ZFHX3: variants seen among roughly 807,000 people sequenced by gnomAD.
ZFHX3 encodes the protein zinc finger homeobox 3.
ZFHX3 carries 42 observed loss-of-function variants against 279.1 expected under a neutral mutation model. The ratio of observed to expected loss-of-function variants is 0.15; its 90% CI spans 0.12 to 0.19. The LOEUF (loss-of-function observed/expected upper bound fraction) is 0.19. ZFHX3 is among the 10% of genes least tolerant of loss of function. ZFHX3 has a pLI of 1.00. For synonymous variants in ZFHX3, 2,293 were observed against 1,957.8 expected (o/e 1.17, Z -4.52); for missense variants, 4,981 against 4,754.0 (o/e 1.05, Z -1.40).
chr16:73,154,784 G>A (rs9937786), intron 5 of ZFHX3, among the ~76,000 whole-genome samples: 1 of 152,056 alleles, frequency 6.6e-6, no homozygotes, highest in South Asian at 2.1e-4. Flanking sequence ...GTGAAGAAAG[G>A]AGGAGATGTT....
At chr16:72,944,784 T>C (rs1960582403) in intron 3 of ZFHX3, among the ~76,000 whole-genome samples, 1 of 152,016 alleles carries the variant, frequency 6.6e-6, no homozygotes, top group Non-Finnish European at 1.5e-5. Context: ...TAATTAAGAA[T>C]ACAATACTAT....
chr16:73,439,650 C>T (rs1488271730), intron 3 of ZFHX3, among the ~76,000 whole-genome samples: 1 of 151,954 alleles, frequency 6.6e-6, no homozygotes, highest in Non-Finnish European at 1.5e-5. Flanking sequence ...GTCAGATTGC[C>T]TCCTGGAAAA....
At chr16:73,326,402 G>T (rs13333912) in intron 3 of ZFHX3, among the ~76,000 whole-genome samples, 99,164 of 152,018 alleles carry the variant, frequency 0.65, 32,844 homozygotes, top group Middle Eastern at 0.7. Flanking sequence ...CAATGCAGTG[G>T]GTGCTCATGA....
chr16:73,797,618 G>A (rs1026931017), intron 1 of ZFHX3, among the ~76,000 whole-genome samples: 2 of 151,850 alleles, frequency 1.3e-5, no homozygotes, highest in Non-Finnish European at 2.9e-5. Flanking sequence ...AGCCAACCAC[G>A]GTAGAGGCAG....
intron 1 of ZFHX3, among the ~76,000 whole-genome samples, chr16:73,800,637 G>C (rs146938086): frequency 6.6e-6 from 1 of 152,102 alleles, no homozygotes; most frequent in African/African-American, 2.4e-5. Flanking sequence ...TTAAAATAAT[G>C]AAACATCAGG....
intron 5 of ZFHX3, among the ~76,000 whole-genome samples, chr16:73,221,430 T>C (rs1321415526): frequency 6.6e-6 from 1 of 152,118 alleles, no homozygotes; most frequent in African/African-American, 2.4e-5. Context: ...TTTTAGTAGG[T>C]TTTGAAATAA....
chr16:73,534,943 C>A (rs1018669165), intron 2 of ZFHX3, among the ~76,000 whole-genome samples: 2 of 152,088 alleles, frequency 1.3e-5, no homozygotes, highest in African/African-American at 4.8e-5. Context: ...GCTGTTAGTG[C>A]CCTTTTCACG....
intron 1 of ZFHX3, among the ~76,000 whole-genome samples, chr16:73,789,655 G>C (rs922240991): frequency 3.9e-5 from 6 of 152,130 alleles, no homozygotes; most frequent in Non-Finnish European, 7.3e-5. Context: ...GGTGCTTTTA[G>C]ATCACAGCAG....
At chr16:72,893,682 A>C (rs529026655) in intron 3 of ZFHX3, among the ~76,000 whole-genome samples, 25 of 152,226 alleles carry the variant, frequency 1.6e-4, no homozygotes, top group Middle Eastern at 3.2e-3. Context: ...CTGGGCATGC[A>C]TTACAAATAG....
At chr16:73,476,415 A>C (rs1411432109) in intron 2 of ZFHX3, among the ~76,000 whole-genome samples, 2 of 152,262 alleles carry the variant, frequency 1.3e-5, no homozygotes, top group Middle Eastern at 3.4e-3. Flanking sequence ...AAAGGTGCAA[A>C]CTCTTGAAAA....
At chr16:73,783,125 G>T (rs1959528289) in intron 1 of ZFHX3, among the ~76,000 whole-genome samples, 1 of 152,188 alleles carries the variant, frequency 6.6e-6, no homozygotes, top group Non-Finnish European at 1.5e-5. Flanking sequence ...CAGCTGCCCG[G>T]AGAGTTGGCT....
rs150752023 is a variant in ZFHX3 at position 73,698,771 on chromosome 16, TAAG to T, written c.-1607-18534_-1607-18532del. Among the ~76,000 whole-genome samples the T allele has an allele frequency of 4.4e-4, 67 of 152,264 alleles. No homozygotes were observed. In the East Asian group the frequency reaches 0.011, roughly 25 times the overall value. On this transcript the variant is annotated intron_variant, in intron 1 of 17. Transcript: ENST00000641206. ...ACAGATAGAAGGAGACTAAGGAGAC[TAAG>T]GAGTCACGACAACTTAATGCAACGT...
intron 5 of ZFHX3, among the ~76,000 whole-genome samples, chr16:73,146,656 T>C (rs1022469549): frequency 6.6e-6 from 1 of 152,074 alleles, no homozygotes; most frequent in Non-Finnish European, 1.5e-5. Flanking sequence ...CTTTTTATTT[T>C]TTAATTAATT....
chr16:72,974,133 G>C (rs1014568015), intron 1 of ZFHX3, among the ~76,000 whole-genome samples: 1 of 152,208 alleles, frequency 6.6e-6, no homozygotes, highest in African/African-American at 2.4e-5. Context: ...GCACTTGGCA[G>C]TTTGGGGAAT....
intron 3 of ZFHX3, among the ~76,000 whole-genome samples, chr16:72,926,284 G>A (rs950447327): frequency 6.6e-6 from 1 of 151,980 alleles, no homozygotes; most frequent in African/African-American, 2.4e-5. Context: ...TAAGCAATGT[G>A]TATTTTTGCG....
intron 2 of ZFHX3, among the ~76,000 whole-genome samples, chr16:73,530,757 ATTGT>A (rs2019786375): frequency 6.6e-6 from 1 of 152,096 alleles, no homozygotes; most frequent in South Asian, 2.1e-4. Flanking sequence ...CTGCAACATG[ATTGT>A]TTGTGTGCTT....
At chr16:73,538,904 G>T (rs1423938645) in intron 2 of ZFHX3, among the ~76,000 whole-genome samples, 1 of 152,078 alleles carries the variant, frequency 6.6e-6, no homozygotes, top group Non-Finnish European at 1.5e-5. Context: ...CTACCTCAGT[G>T]GACTAACCTA....
intron 3 of ZFHX3, among the ~76,000 whole-genome samples, chr16:73,441,514 C>G (rs1429714226): frequency 6.6e-6 from 1 of 152,160 alleles, no homozygotes; most frequent in Admixed American, 6.5e-5. Context: ...ACAGCAAGCA[C>G]AGCCCAAAAC....
At chr16:72,971,024 G>A (rs1182786247) in intron 1 of ZFHX3, among the ~76,000 whole-genome samples, 1 of 152,170 alleles carries the variant, frequency 6.6e-6, no homozygotes, top group East Asian at 1.9e-4. Flanking sequence ...CCACTGGTAG[G>A]TAGTTTTTCG....
Sources: gnomAD v4.1 joint callset for allele counts (sites outside exome capture counted in the v4.1 genomes callset) on GRCh38, gnomAD v4.1.1 for gene constraint, MANE v1.5 for transcripts, NCBI Gene and HGNC (gene_info 2026-07-23, HGNC 2026-07-21) for gene names.